Variants in TBC1D17 observed in about 807,000 individuals in gnomAD.
TBC1D17 encodes TBC1 domain family member 17.
A neutral mutation model predicts 78.8 loss-of-function variants in TBC1D17; 69 were observed. The ratio of observed to expected loss-of-function variants is 0.88; its 90% CI spans 0.72 to 1.07. TBC1D17 has a LOEUF of 1.07. Among genes scored for constraint, TBC1D17 ranks in the 50% least tolerant of loss-of-function variants. TBC1D17 has a pLI of 0.00. For synonymous variants in TBC1D17, 456 were observed against 358.3 expected (o/e 1.27, Z -3.08); for missense variants, 957 against 861.0 (o/e 1.11, Z -1.39).
chr19:49,883,100 C>A (rs763348143), intron 9 of TBC1D17, 24 bp downstream of exon 9: 1 of 1,583,338 alleles, frequency 6.3e-7, no homozygotes, highest in South Asian at 1.1e-5. Flanking sequence ...AGGCCCTGCC[C>A]TGCCAGGCAT....
chr19:49,882,376 G>C lies in TBC1D17; in HGVS notation c.774G>C (p.Glu258Asp), dbSNP rs767440024. ...DLPPPPDDEP[E>D]PGFEVISCVE... ...CCCCGCCACCCGACGATGAGCCCGA[G>C]CCTGGATTCGAGGTCATTTCCTGTG... Residue 258 changes from glutamate to aspartate, a missense_variant, in exon 7 of 17, where the codon GAG becomes GAC. Physicochemically the swap from Glu to Asp is conservative, Grantham distance 45. Transcript: ENST00000221543. 1 of 1,607,666 alleles carries C rather than the reference G, an allele frequency of 6.2e-7. No individual in the cohort carries two copies. Among genetic ancestry groups the C allele is most frequent in the Admixed American group, 1.7e-5 (1 of 59,994 alleles).
At chr19:49,883,973 G>T (rs1272036979) in intron 10 of TBC1D17, among the ~76,000 whole-genome samples, 1 of 152,194 alleles carries the variant, frequency 6.6e-6, no homozygotes, top group Admixed American at 6.5e-5. Context: ...CCCAGTCTCA[G>T]TTCTGTCAAT....
rs1401186538 is a variant in TBC1D17, at chr19:49,882,395, T to C, written c.793T>C (p.Ser265Pro). The C allele has an allele frequency of 6.9e-6, 11 of 1,604,652 alleles. No individual in the cohort carries two copies. The highest frequency in any genetic ancestry group is 7.6e-6 in the Non-Finnish European group (9 of 1,179,056). ...GCCCGAGCCTGGATTCGAGGTCATT[T>C]CCTGTGTGAGTAGTGAGTGGACCCT... ...DEPEPGFEVI[S>P]CVELGPRPTV... is the part of the protein sequence containing the mutation. Residue 265 changes from serine (S) to proline (P), a missense_variant, in exon 7 of 17, where the codon TCC (serine) becomes CCC (proline). By Grantham distance (74) the Ser-to-Pro change is moderately conservative. Coordinates refer to ENST00000221543, the MANE Select transcript of TBC1D17 (RefSeq NM_024682.3).
chr19:49,887,963 G>C (rs2075075247), intron 15 of TBC1D17, 129 bp downstream of exon 15: 1 of 947,586 alleles, frequency 1.1e-6, no homozygotes, highest in East Asian at 2.6e-5. Flanking sequence ...GCGCAGTGGG[G>C]GTGGGGCCGC....
At chr19:49,887,364 C>T in intron 13 of TBC1D17, 112 bp from the exon 14 acceptor site, 1 of 1,115,866 alleles carries the variant, frequency 9.0e-7, no homozygotes, top group South Asian at 1.4e-5. Flanking sequence ...GTTCCCCAGC[C>T]AGGCATAAGT....
At chr19:49,882,473 C>T in intron 7 of TBC1D17, 73 bp downstream of exon 7, 2 of 1,543,902 alleles carry the variant, frequency 1.3e-6, no homozygotes, top group Non-Finnish European at 1.7e-6. Flanking sequence ...TTTCCCTGGG[C>T]CTCAGTTTCC....
chr19:49,884,664 G>A lies in TBC1D17; in HGVS notation c.1350G>A (p.Gly450=). The A allele has an allele frequency of 6.2e-7, 1 of 1,614,134 alleles. No individual in the cohort carries two copies. Among genetic ancestry groups the A allele is most frequent in the Non-Finnish European group, 8.5e-7 (1 of 1,180,018 alleles). ...CCCCTCCTTCCGTCCCACAGCAAGGGAACTTTGAAGAGAGCCAGGAGACCA... is the reference window on the plus strand; with the variant it reads ...CCCCTCCTTCCGTCCCACAGCAAGGAAACTTTGAAGAGAGCCAGGAGACCA... ...CFCGFMELVQ[G]NFEESQETMK... The change falls in exon 13 of 17, where the codon GGG becomes GGA. Residue 450 remains glycine (G), a synonymous_variant. Transcript: ENST00000221543.
chr19:49,880,772 C>T (rs1182577979), intron 4 of TBC1D17, among the ~76,000 whole-genome samples: 1 of 152,232 alleles, frequency 6.6e-6, no homozygotes, highest in African/African-American at 2.4e-5. Flanking sequence ...AGGCACGTGA[C>T]CCCTCTGGGG....
At chr19:49,879,337 T>G (rs2074989434) in intron 3 of TBC1D17, 1 of 152,258 alleles carries the variant, frequency 6.6e-6, no homozygotes, top group South Asian at 2.1e-4. Flanking sequence ...CGGAAGTCAG[T>G]CGGCACCCAC....
intron 1 of TBC1D17, 183 bp downstream of exon 1, chr19:49,877,927 C>G: frequency 1.3e-6 from 1 of 793,446 alleles, no homozygotes; most frequent in South Asian, 1.8e-5. Context: ...ATGGCCCCGC[C>G]CCCCCGGCTC....
chr19:49,884,809 C>A, intron 13 of TBC1D17, 51 bp downstream of exon 13: 1 of 1,541,742 alleles, frequency 6.5e-7, no homozygotes, highest in Non-Finnish European at 8.9e-7. Flanking sequence ...TAGACCTTGC[C>A]AGATTCTCTG....
intron 3 of TBC1D17, chr19:49,878,800 C>T (rs779985355): frequency 1.9e-5 from 10 of 530,462 alleles, no homozygotes; most frequent in Admixed American, 3.3e-5. Context: ...GTCGTGGGGA[C>T]GGCTGACCCC....
In TBC1D17 at chr19:49,878,753, C is replaced by T. The variant is rs2074983487; in HGVS notation, c.195+181C>T. 1.8e-5 allele frequency: 11 copies of T among 601,564 alleles called. 1 individual carries two copies. In the South Asian group the frequency reaches 2.0e-4, roughly 11 times the overall value. The allele number at this position is 601,564 out of a possible 1,614,324, so 37.3% of individuals were successfully genotyped here. On this transcript the variant is annotated intron_variant, in intron 3 of 16. Transcript: ENST00000221543. ...CTCTGTGAAATGGGCAGAGGATGCC[C>T]ATTCAAGGAAAAAGAGCAGGGAGCA... is the stretch of plus-strand genomic sequence containing the variant.
At chr19:49,888,144 C>A in intron 15 of TBC1D17, 87 bp from the exon 16 acceptor site, 1 of 1,544,648 alleles carries the variant, frequency 6.5e-7, no homozygotes, top group Non-Finnish European at 8.7e-7. Flanking sequence ...GGTGTGTCTT[C>A]ATTGTTTCCC....
intron 4 of TBC1D17, 130 bp downstream of exon 4, chr19:49,880,532 C>A: frequency 7.9e-7 from 1 of 1,258,240 alleles, no homozygotes; most frequent in Non-Finnish European, 1.1e-6. Flanking sequence ...CCTTCCAGTC[C>A]CAGGAGCATG....
chr19:49,878,663 G>A, intron 3 of TBC1D17, 91 bp downstream of exon 3: 3 of 1,262,204 alleles, frequency 2.4e-6, no homozygotes, highest in Non-Finnish European at 3.5e-6. Context: ...TACAATCCCA[G>A]ACCTACTCGT....
chr19:49,884,694 G>T lies in TBC1D17; in HGVS notation c.1380G>T (p.Lys460Asn), dbSNP rs2075045033. 6.2e-7 allele frequency: 1 copy of T among 1,614,020 alleles called. No individual in the cohort carries two copies. Among genetic ancestry groups the T allele is most frequent in the Non-Finnish European group, 8.5e-7 (1 of 1,180,032 alleles). ...GNFEESQETM[K>N]RQLGRLLLLL... ...TTGAAGAGAGCCAGGAGACCATGAA[G>T]CGGCAACTCGGGCGACTGCTGCTGC... The change falls in exon 13 of 17, where the codon AAG becomes AAT. Residue 460 changes from lysine to asparagine, a missense_variant. Transcript: ENST00000221543.
rs2075003750 is a variant in TBC1D17 at position 49,880,481 on chromosome 19, A to T, written c.319+79A>T. ...CTTGCCCTCAGTGGTCACGGTCCCA[A>T]GGGCTTTGCTGCCCACAATCAAGAA... is the stretch of plus-strand genomic sequence containing the variant. On this transcript the variant is annotated intron_variant, in intron 4 of 16. Coordinates refer to ENST00000221543, the MANE Select transcript of TBC1D17 (RefSeq NM_024682.3). 7.8e-6 allele frequency: 12 copies of T among 1,540,376 alleles called. No homozygotes were observed. In the East Asian group the frequency reaches 2.3e-4, roughly 30 times the overall value.
At position 49,878,212 on chromosome 19, in the gene TBC1D17, A is replaced by G. The variant is rs368512102; in HGVS notation, c.91A>G (p.Ile31Val). Residue 31 changes from isoleucine (I) to valine (V), a missense_variant, in exon 2 of 17, where the codon ATC becomes GTC. By Grantham distance (29) the Ile-to-Val change is conservative (BLOSUM62 3). Coordinates refer to ENST00000221543, the MANE Select transcript of TBC1D17 (RefSeq NM_024682.3). ...GAAGTATCAGGACCGAGACTCTCTCATCGCTGGTGTCATCCGTGTCGTGGA... is the reference window on the plus strand; with the variant it reads ...GAAGTATCAGGACCGAGACTCTCTCGTCGCTGGTGTCATCCGTGTCGTGGA... ...AKKYQDRDSLIAGVIRVVEKD... is the reference protein window; with the variant it reads ...AKKYQDRDSLVAGVIRVVEKD... 9.7e-5 allele frequency: 152 copies of G among 1,563,496 alleles called. No individual in the cohort carries two copies. Among genetic ancestry groups the G allele is most frequent in the Non-Finnish European group, 1.3e-4 (145 of 1,154,008 alleles).
Sources: gnomAD v4.1 joint callset for allele counts (sites outside exome capture counted in the v4.1 genomes callset) on GRCh38, gnomAD v4.1.1 for gene constraint, MANE v1.5 for transcripts, NCBI Gene and HGNC (gene_info 2026-07-23, HGNC 2026-07-21) for gene names.